The following SGCD variants were observed in gnomAD, a reference collection of about 807,000 sequenced individuals.
SGCD encodes sarcoglycan delta.
Under a neutral mutation model 36.6 loss-of-function variants are expected in SGCD, and 18 were observed. That is an observed-to-expected ratio of 0.49 (90% CI 0.34 to 0.73). The LOEUF is 0.73. Ranked by LOEUF, SGCD falls within the 30% of genes least tolerant of loss-of-function variation. The pLI is 0.01. For missense variants in SGCD, 387 were observed against 346.7 expected (o/e 1.12, Z -0.92); for synonymous variants, 133 against 130.6 (o/e 1.02, Z -0.12).
rs898101130 is a variant in SGCD, at chr5:156,017,457, T to C, written c.-281-100421T>C. On this transcript the variant is annotated intron_variant, in intron 1 of 9. Transcript: ENST00000517913. ...AATTCATTCATGTTTTCCTCTAGCT[T>C]GTATAGTTTCATTTTTTTTACATTT... is the stretch of plus-strand genomic sequence containing the variant. 2.0e-5 allele frequency among the ~76,000 whole-genome samples: 3 copies of C among 151,938 alleles called. No individual in the cohort carries two copies. The South Asian group carries it at 6.2e-4, about 31-fold the overall frequency.
At chr5:156,553,622 C>T (rs886171654) in intron 4 of SGCD, among the ~76,000 whole-genome samples, 2 of 152,188 alleles carry the variant, frequency 1.3e-5, no homozygotes, top group African/African-American at 2.4e-5. Context: ...TCTCCATCCT[C>T]CCCTTCTTAC....
chr5:156,423,275 T>TAA (rs1773456767), intron 3 of SGCD, among the ~76,000 whole-genome samples: 2 of 5,930 alleles, frequency 3.4e-4, no homozygotes, highest in South Asian at 6.0e-3. Context: ...TAATATAACA[T>TAA]TATATTATAT....
At chr5:156,630,231 A>G (rs1194634324) in intron 6 of SGCD, among the ~76,000 whole-genome samples, 11 of 152,214 alleles carry the variant, frequency 7.2e-5, no homozygotes, top group Admixed American at 7.2e-4. Flanking sequence ...CTGGAAATCT[A>G]AACTGTGAGA....
chr5:156,269,260 GAGATCAAGACC>G (rs1766090053), intron 3 of SGCD, among the ~76,000 whole-genome samples: 1 of 151,738 alleles, frequency 6.6e-6, no homozygotes, highest in African/African-American at 2.4e-5. Flanking sequence ...ACGAGGTCAG[GAGATCAAGACC>G]ATCCTGGCTA....
chr5:156,712,360 C>T (rs528900132), intron 7 of SGCD, among the ~76,000 whole-genome samples: 1 of 152,250 alleles, frequency 6.6e-6, no homozygotes, highest in African/African-American at 2.4e-5. Flanking sequence ...AAAACTTGTT[C>T]AAATGAGCTG....
chr5:155,849,295 A>G, the SGCD span, among the ~76,000 whole-genome samples: 5 of 152,136 alleles, frequency 3.3e-5, no homozygotes, highest in African/African-American at 1.2e-4. Flanking sequence ...TAAGTTCACC[A>G]ACTGAAATAT....
chr5:156,532,621 C>T (rs367781805), intron 4 of SGCD, among the ~76,000 whole-genome samples: 9 of 152,072 alleles, frequency 5.9e-5, no homozygotes, highest in Admixed American at 1.3e-4. Context: ...CCACCATGTC[C>T]GGCTAATTTT....
chr5:156,197,348 T>C (rs868570971), intron 3 of SGCD, among the ~76,000 whole-genome samples: 1 of 152,164 alleles, frequency 6.6e-6, no homozygotes. Flanking sequence ...ATATAAATAA[T>C]TTAAAATATT....
intron 1 of SGCD, among the ~76,000 whole-genome samples, chr5:155,992,414 T>C (rs1404297496): frequency 6.6e-6 from 1 of 152,112 alleles, no homozygotes; most frequent in Non-Finnish European, 1.5e-5. Context: ...AAGGAAAAAT[T>C]TCATGAGAAC....
chr5:156,355,512 G>A (rs1183793222), intron 3 of SGCD, among the ~76,000 whole-genome samples: 2 of 152,204 alleles, frequency 1.3e-5, no homozygotes, highest in Non-Finnish European at 2.9e-5. Flanking sequence ...GGAGCAAGGT[G>A]GACTTTTGTT....
intron 3 of SGCD, among the ~76,000 whole-genome samples, chr5:156,182,669 T>TG (rs1763637092): frequency 6.6e-6 from 1 of 152,216 alleles, no homozygotes; most frequent in African/African-American, 2.4e-5. Flanking sequence ...GGTTAATGAC[T>TG]GGTAGAATTA....
In SGCD at chr5:156,508,791, A is replaced by G. The variant is rs11957790; in HGVS notation, c.294+89A>G. On this transcript the variant is annotated intron_variant, in intron 4 of 8. Transcript: ENST00000337851. ...ATCTTGCTATCAGCTGAGTACAGAG[A>G]ATTGGGGTGGGGAGTAATACTGGTA... is the stretch of plus-strand genomic sequence containing the variant. 3,785 of 742,368 alleles carry G rather than the reference A, an allele frequency of 5.1e-3. 98 individuals carry two copies. The African/African-American group carries it at 0.06, about 12-fold the overall frequency. 46.0% of individuals were successfully genotyped at this position (742,368 alleles called of 1,614,324 possible). A position where few individuals can be genotyped will look rare whatever the true frequency, so the allele number is the denominator to read the frequency against.
At chr5:155,868,192 C>G (rs1237119457), upstream of SGCD, among the ~76,000 whole-genome samples, 1 of 151,904 alleles carries the variant, frequency 6.6e-6, no homozygotes, top group Non-Finnish European at 1.5e-5. Flanking sequence ...GCTGGGATTA[C>G]AGGCATGTAC....
At chr5:156,072,557 C>G (rs1166812319) in intron 1 of SGCD, among the ~76,000 whole-genome samples, 3 of 151,896 alleles carry the variant, frequency 2.0e-5, no homozygotes, top group Admixed American at 6.6e-5. Flanking sequence ...TCTGGCTGCC[C>G]TTAACATTTT....
chr5:156,302,875 C>A (rs1017385773), intron 3 of SGCD, among the ~76,000 whole-genome samples: 1 of 152,184 alleles, frequency 6.6e-6, no homozygotes, highest in Non-Finnish European at 1.5e-5. Context: ...GTTATACAAG[C>A]ACCACTGTGG....
chr5:156,360,401 C>A (rs955147055), intron 3 of SGCD, among the ~76,000 whole-genome samples: 1 of 152,080 alleles, frequency 6.6e-6, no homozygotes, highest in African/African-American at 2.4e-5. Context: ...GCACCTGCCA[C>A]CATGCCTGGC....
At chr5:156,255,588 A>C (rs1765694519) in intron 3 of SGCD, among the ~76,000 whole-genome samples, 1 of 152,086 alleles carries the variant, frequency 6.6e-6, no homozygotes, top group South Asian at 2.1e-4. Flanking sequence ...GTCAGTTGTG[A>C]TTAATTTGTT....
At chr5:156,347,027 G>A (rs1017739799) in intron 3 of SGCD, among the ~76,000 whole-genome samples, 1 of 152,064 alleles carries the variant, frequency 6.6e-6, no homozygotes, top group African/African-American at 2.4e-5. Flanking sequence ...TCGATCTCCT[G>A]ACCTCGTAAT....
chr5:156,748,673 A>T (rs1757034680), intron 7 of SGCD, among the ~76,000 whole-genome samples: 2 of 152,248 alleles, frequency 1.3e-5, no homozygotes, highest in African/African-American at 2.4e-5. Flanking sequence ...AAAAAATTTG[A>T]GTGGAACAAC....
Sources: allele counts gnomAD v4.1 joint callset (sites outside exome capture counted in the v4.1 genomes callset), GRCh38; gene constraint gnomAD v4.1.1; transcripts MANE v1.5; gene names NCBI Gene and HGNC (gene_info 2026-07-23, HGNC 2026-07-21).